ARHGAP26: variants seen among roughly 807,000 people sequenced by gnomAD.
ARHGAP26 encodes rho GTPase-activating protein 26.
In ARHGAP26, 38 loss-of-function variants were observed where a neutral mutation model predicts 104.8. That is an observed-to-expected ratio of 0.36 (90% CI 0.28 to 0.48). The LOEUF (loss-of-function observed/expected upper bound fraction) is 0.48, where lower values mean the gene tolerates loss of function less well. ARHGAP26 is among the 20% of genes least tolerant of loss of function. ARHGAP26 has a pLI of 0.99. For missense variants in ARHGAP26, 704 were observed against 947.9 expected (o/e 0.74, Z 3.38); for synonymous variants, 341 against 340.0 (o/e 1.00, Z -0.03).
At chr5:143,195,955 G>A (rs562571373) in intron 20 of ARHGAP26, among the ~76,000 whole-genome samples, 44 of 150,232 alleles carry the variant, frequency 2.9e-4, no homozygotes, top group Non-Finnish European at 5.3e-4. Flanking sequence ...ATTTTGCTGT[G>A]AACCTCAAGC....
At chr5:143,129,662 A>T (rs1205776059) in intron 18 of ARHGAP26, among the ~76,000 whole-genome samples, 3 of 152,222 alleles carry the variant, frequency 2.0e-5, no homozygotes, top group Admixed American at 6.5e-5. Flanking sequence ...AGAGGGCAAG[A>T]ATAATAGTAC....
intron 12 of ARHGAP26, among the ~76,000 whole-genome samples, chr5:143,032,903 A>G (rs1446699080): frequency 6.6e-6 from 1 of 152,216 alleles, no homozygotes; most frequent in African/African-American, 2.4e-5. Context: ...GCAGTGGGCA[A>G]TGTGATAATT....
At chr5:142,879,872 C>T (rs1243956995) in intron 4 of ARHGAP26, among the ~76,000 whole-genome samples, 2 of 152,158 alleles carry the variant, frequency 1.3e-5, no homozygotes, top group African/African-American at 4.8e-5. Context: ...CCTGTGGGTA[C>T]AGGGACTTTC....
intron 17 of ARHGAP26, among the ~76,000 whole-genome samples, chr5:143,065,408 C>A (rs1280729338): frequency 6.6e-6 from 1 of 152,116 alleles, no homozygotes; most frequent in Non-Finnish European, 1.5e-5. Flanking sequence ...CTCTTCAGAA[C>A]AATTGTGGCT....
At chr5:143,053,630 T>G (rs1363886530) in intron 14 of ARHGAP26, among the ~76,000 whole-genome samples, 2 of 152,224 alleles carry the variant, frequency 1.3e-5, no homozygotes, top group Non-Finnish European at 2.9e-5. Context: ...TAAAATATAC[T>G]GATTTGTTTA....
rs999059517 is a variant in ARHGAP26, at chr5:143,227,327, T to C, written c.*4881T>C. 4 of 231,050 alleles carry C rather than the reference T, an allele frequency of 1.7e-5. No individual in the cohort carries two copies. The highest frequency in any genetic ancestry group is 1.7e-4 in the Admixed American group (3 of 17,712). 14.3% of individuals were successfully genotyped at this position (231,050 alleles called of 1,614,324 possible). A position where few individuals can be genotyped will look rare whatever the true frequency, so the allele number is the denominator to read the frequency against. ...GGTGTTCTGCCAAAGGAGTTATCTA[T>C]CATCTCTGGCAAACTTGACAATCAT... On this transcript the variant is annotated 3_prime_UTR_variant, in exon 23 of 23. Transcript: ENST00000645722.
Position 142,821,128 on chromosome 5 carries a change from C to G in ARHGAP26, c.154+50213C>G, listed in dbSNP as rs144179779. On this transcript the variant is annotated intron_variant, in intron 1 of 22. Coordinates refer to ENST00000645722, the MANE Select transcript of ARHGAP26 (RefSeq NM_001135608.3). ...CTTCTTGGTATTCTGTTTTTATTTT[C>G]CTTTTATTATCCCCTATCTTTAAGG... Among the ~76,000 whole-genome samples, 28 of 151,958 alleles carry G rather than the reference C, an allele frequency of 1.8e-4. No homozygotes were observed. In the South Asian group the frequency reaches 2.3e-3, roughly 12 times the overall value.
intron 1 of ARHGAP26, among the ~76,000 whole-genome samples, chr5:142,808,828 G>A (rs575608239): frequency 3.3e-5 from 5 of 152,152 alleles, no homozygotes; most frequent in South Asian, 2.1e-4. Context: ...CCTGTCAGCC[G>A]CTCTGGAAGT....
At chr5:143,144,903 A>G in intron 19 of ARHGAP26, among the ~76,000 whole-genome samples, 1 of 152,204 alleles carries the variant, frequency 6.6e-6, no homozygotes, top group South Asian at 2.1e-4. Flanking sequence ...AGATGTTCTC[A>G]GTCTCATTAT....
At position 142,770,511 on chromosome 5, in the gene ARHGAP26, C is replaced by A. The variant is rs1422559559; in HGVS notation, c.-251C>A. The A allele has an allele frequency of 5.1e-6, 1 of 195,140 alleles. No individual in the cohort carries two copies. Among genetic ancestry groups the A allele is most frequent in the African/African-American group, 2.3e-5 (1 of 42,878 alleles). 12.1% of individuals were successfully genotyped at this position (195,140 alleles called of 1,614,324 possible). ...TCGCTTCCCGGCGCCGCTGCGGGTC[C>A]GCGCTGCGTTTCCTGCTCGCGATCC... is the stretch of plus-strand genomic sequence containing the variant. On this transcript the variant is annotated 5_prime_UTR_variant, in exon 1 of 23. Coordinates refer to ENST00000645722, the MANE Select transcript of ARHGAP26 (RefSeq NM_001135608.3).
chr5:143,137,092 CTGATACA>C (rs979020401), intron 19 of ARHGAP26, among the ~76,000 whole-genome samples: 1 of 152,166 alleles, frequency 6.6e-6, no homozygotes, highest in Non-Finnish European at 1.5e-5. Flanking sequence ...TGGCTTCATC[CTGATACA>C]TAAGACCTCT....
rs537282834 is a variant in ARHGAP26 at position 143,054,314 on chromosome 5, T to A, written c.1286-125T>A. 8.6e-6 allele frequency: 5 copies of A among 584,046 alleles called. No individual in the cohort carries two copies. The South Asian group carries it at 1.6e-4, about 19-fold the overall frequency. The allele number at this position is 584,046 out of a possible 1,614,324, so 36.2% of individuals were successfully genotyped here. A position where few individuals can be genotyped will look rare whatever the true frequency, so the allele number is the denominator to read the frequency against. ...TTCCTAATTTAATAGGTAAAAAAAA[T>A]ACTTGTCATTTTTGTTTTACTTTGC... On this transcript the variant is annotated intron_variant, in intron 14 of 22. Transcript: ENST00000645722.
Position 143,020,367 on chromosome 5 carries a change from G to T in ARHGAP26, c.1144+6251G>T, listed in dbSNP as rs978093014. On this transcript the variant is annotated intron_variant, in intron 12 of 22. Transcript: ENST00000645722. ...AAAGCTCATGTGATCTGCTGTGGAG[G>T]TTCAGACCACAGGGGAACAATAGAC... Among the ~76,000 whole-genome samples, 8 of 152,140 alleles carry T rather than the reference G, an allele frequency of 5.3e-5. No individual in the cohort carries two copies. The East Asian group carries it at 1.2e-3, about 22-fold the overall frequency.
rs70991781 is a variant in ARHGAP26 at position 142,861,350 on chromosome 5, G to GTT, written c.155-12039_155-12038dup. 4.5e-4 allele frequency among the ~76,000 whole-genome samples: 66 copies of GTT among 146,192 alleles called. 1 individual carries two copies. In the South Asian group the frequency reaches 5.2e-3, roughly 12 times the overall value. ...GGCTTTGTTCAGAATGGCTAGGTCC[G>GTT]TTTTTTTTTTTTCTTTTTTCTTCCA... On this transcript the variant is annotated intron_variant, in intron 1 of 22. Transcript: ENST00000645722.
intron 14 of ARHGAP26, among the ~76,000 whole-genome samples, chr5:143,049,491 G>A (rs1265588683): frequency 1.3e-5 from 2 of 151,700 alleles, no homozygotes; most frequent in African/African-American, 4.8e-5. Flanking sequence ...TTGGTTCCTG[G>A]CATCCATATT....
At chr5:143,012,565 A>ATATATATG (rs1779007691) in intron 11 of ARHGAP26, among the ~76,000 whole-genome samples, 1 of 74,488 alleles carries the variant, frequency 1.3e-5, no homozygotes. Context: ...ATATATATAT[A>ATATATATG]TATATATATA....
chr5:143,139,687 C>CA (rs1293397865), intron 19 of ARHGAP26, among the ~76,000 whole-genome samples: 1 of 152,190 alleles, frequency 6.6e-6, no homozygotes, highest in Non-Finnish European at 1.5e-5. Flanking sequence ...CCAAGCCACT[C>CA]ACGCTCATTT....
At chr5:143,180,079 C>G (rs925878025) in intron 20 of ARHGAP26, among the ~76,000 whole-genome samples, 1 of 152,122 alleles carries the variant, frequency 6.6e-6, no homozygotes, top group Non-Finnish European at 1.5e-5. Context: ...GGCTCCTTTC[C>G]CCTTAAGAGT....
chr5:142,887,958 CTT>C lies in ARHGAP26; in HGVS notation c.486+2561_486+2562del, dbSNP rs1446431591. The stretch of plus-strand genomic sequence containing the variant: ...CCAGCCTGGGCGACAGAGTGAGACT[CTT>C]TCTCAAAAAAAACCAAAAACCAAAC... On this transcript the variant is annotated intron_variant, in intron 5 of 22. Coordinates refer to ENST00000645722, the MANE Select transcript of ARHGAP26 (RefSeq NM_001135608.3). Among the ~76,000 whole-genome samples, 8 of 152,102 alleles carry C rather than the reference CTT, an allele frequency of 5.3e-5. No individual in the cohort carries two copies. The South Asian group carries it at 6.2e-4, about 12-fold the overall frequency.
Sources: allele counts gnomAD v4.1 joint callset (sites outside exome capture counted in the v4.1 genomes callset), GRCh38; gene constraint gnomAD v4.1.1; transcripts MANE v1.5; gene names NCBI Gene and HGNC (gene_info 2026-07-23, HGNC 2026-07-21).